Variants in HS6ST2 observed in about 807,000 individuals in gnomAD.
HS6ST2 encodes the protein heparan-sulfate 6-O-sulfotransferase 2.
HS6ST2 carries 17 observed loss-of-function variants against 33.0 expected under a neutral mutation model. The ratio of observed to expected loss-of-function variants is 0.52; its 90% confidence interval spans 0.35 to 0.77. HS6ST2 has a LOEUF of 0.77. Ranked by LOEUF, HS6ST2 falls within the 30% of genes least tolerant of loss-of-function variation. HS6ST2 has a pLI of 0.01. For missense variants in HS6ST2, 519 were observed against 551.7 expected, an observed-to-expected ratio of 0.94 and a Z score of 0.59; for synonymous variants, 248 against 237.1, an observed-to-expected ratio of 1.05 and a Z score of -0.42.
intron 2 of HS6ST2, among the ~76,000 whole-genome samples, chrX:132,891,655 G>A (rs1047605873): frequency 9.0e-6 from 1 of 110,683 alleles, no homozygotes; most frequent in East Asian, 2.9e-4. Flanking sequence ...TTGTCCTTGC[G>A]ATAGTTTACT....
chrX:132,919,912 G>C (rs2066633798), intron 2 of HS6ST2, among the ~76,000 whole-genome samples: 1 of 112,124 alleles, frequency 8.9e-6, no homozygotes, highest in Non-Finnish European at 1.9e-5. Flanking sequence ...CTTCTCTCCA[G>C]AGAGAGCCAG....
chrX:132,908,689 A>G (rs919317405), intron 2 of HS6ST2, among the ~76,000 whole-genome samples: 5 of 111,322 alleles, frequency 4.5e-5, no homozygotes, highest in Admixed American at 9.6e-5. Context: ...CTAGAAACAG[A>G]AAGTAGATTA....
chrX:132,947,272 ATG>A (rs963498914), intron 2 of HS6ST2, among the ~76,000 whole-genome samples: 47 of 109,629 alleles, frequency 4.3e-4, no homozygotes, highest in African/African-American at 1.4e-3. Context: ...GTATATGTAT[ATG>A]TGTGTGTGTA....
chrX:132,918,496 C>A (rs146691421), intron 2 of HS6ST2, among the ~76,000 whole-genome samples: 150 of 112,003 alleles, frequency 1.3e-3, no homozygotes, highest in African/African-American at 4.5e-3. Flanking sequence ...ACACTTGGTG[C>A]TGAGGGCCAG....
rs374417977 is a variant in HS6ST2 at position 132,708,457 on chromosome X, C to T, written c.980+5G>A. 2.6e-6 allele frequency: 3 copies of T among 1,167,968 alleles called. No homozygotes were observed. The highest frequency in any genetic ancestry group is 1.8e-5 in the African/African-American group (1 of 56,316). On this transcript the variant is annotated splice_donor_5th_base_variant and intron_variant, in intron 3 of 4. Transcript: ENST00000370833. ...CAGTCAAACTAAAAATACATTGTTA[C>T]TTACCTTGCTGCATCTAGAATCTGA...
chrX:132,923,533 C>T (rs1269741470), intron 2 of HS6ST2, among the ~76,000 whole-genome samples: 1 of 111,611 alleles, frequency 9.0e-6, no homozygotes, highest in Non-Finnish European at 1.9e-5. Context: ...GTTTTGCTCC[C>T]CCAGTGATGT....
chrX:132,752,329 G>A (rs1183038091), intron 2 of HS6ST2, among the ~76,000 whole-genome samples: 10 of 110,057 alleles, frequency 9.1e-5, no homozygotes, highest in African/African-American at 3.0e-4. Context: ...AAATTTAGCC[G>A]GGTGTGGTGG....
intron 2 of HS6ST2, among the ~76,000 whole-genome samples, chrX:132,793,453 C>T (rs968799970): frequency 5.4e-5 from 6 of 111,182 alleles, no homozygotes; most frequent in African/African-American, 2.0e-4. Context: ...AGAAACAGTA[C>T]TGAAAGAGAG....
chrX:132,791,110 G>A (rs2065116925), intron 2 of HS6ST2, among the ~76,000 whole-genome samples: 1 of 111,002 alleles, frequency 9.0e-6, no homozygotes, highest in South Asian at 3.8e-4. Flanking sequence ...CTGCACCGCT[G>A]CATTCCAGCC....
rs1260604972 is a variant in HS6ST2, at chrX:132,958,598, G to A, written c.5C>T (p.Ala2Val). 1 of 1,168,454 alleles carries A rather than the reference G, an allele frequency of 8.6e-7. No homozygotes were observed. Among genetic ancestry groups the A allele is most frequent in the South Asian group, 2.0e-5 (1 of 51,218 alleles). ...CTCCCGGACTGCACACGCAGGCAGTGCCATTCCCCCCTTCAGGCAACTCAG... is the reference window on the plus strand; with the variant it reads ...CTCCCGGACTGCACACGCAGGCAGTACCATTCCCCCCTTCAGGCAACTCAG... Reference protein sequence around the residue: MALPACAVREFE... With the variant: MVLPACAVREFE... The change falls in exon 1 of 5, where the codon GCA becomes GTA. Residue 2 changes from alanine to valine, a missense_variant. Ala to Val is a moderately conservative substitution (Grantham distance 64). Coordinates refer to ENST00000370833, the MANE Select transcript of HS6ST2 (RefSeq NM_001394073.1).
chrX:132,708,179 A>G (rs909951227), intron 3 of HS6ST2, among the ~76,000 whole-genome samples: 2 of 106,900 alleles, frequency 1.9e-5, no homozygotes, highest in Non-Finnish European at 3.9e-5. Context: ...GAGGAAAAAG[A>G]GCTAATGACC....
intron 2 of HS6ST2, among the ~76,000 whole-genome samples, chrX:132,815,433 C>T (rs781656799): frequency 2.7e-5 from 3 of 111,611 alleles, no homozygotes; most frequent in East Asian, 5.6e-4. Context: ...AAGTAACTTG[C>T]CTGAGGTCAC....
intron 2 of HS6ST2, among the ~76,000 whole-genome samples, chrX:132,765,728 G>C (rs1302197219): frequency 8.9e-6 from 1 of 112,057 alleles, no homozygotes; most frequent in Non-Finnish European, 1.9e-5. Flanking sequence ...TGGGATTAGA[G>C]GCATGAGCCA....
intron 2 of HS6ST2, among the ~76,000 whole-genome samples, chrX:132,933,676 A>G (rs1365887696): frequency 1.8e-5 from 2 of 111,768 alleles, no homozygotes; most frequent in East Asian, 5.6e-4. Flanking sequence ...ATACCATACT[A>G]AAAATGTTAA....
At chrX:132,741,624 G>T (rs2064581609) in intron 2 of HS6ST2, among the ~76,000 whole-genome samples, 1 of 111,171 alleles carries the variant, frequency 9.0e-6, no homozygotes. Flanking sequence ...ATTCGTTTCA[G>T]CTTGGATTCT....
At chrX:132,865,293 C>T (rs1206279289) in intron 2 of HS6ST2, among the ~76,000 whole-genome samples, 32 of 110,722 alleles carry the variant, frequency 2.9e-4, no homozygotes, top group Non-Finnish European at 3.2e-4. Context: ...CATGTCCCTA[C>T]AAAGGACATG....
At chrX:132,800,749 G>C (rs755667910) in intron 2 of HS6ST2, among the ~76,000 whole-genome samples, 11 of 111,573 alleles carry the variant, frequency 9.9e-5, no homozygotes, top group Non-Finnish European at 1.3e-4. Context: ...TTGGTTTTGT[G>C]CCCCCACCCA....
chrX:132,848,792 C>T (rs1243982124), intron 2 of HS6ST2, among the ~76,000 whole-genome samples: 1 of 111,871 alleles, frequency 8.9e-6, no homozygotes, highest in Non-Finnish European at 1.9e-5. Flanking sequence ...AAACAGCACT[C>T]TCCCTAAACT....
intron 2 of HS6ST2, among the ~76,000 whole-genome samples, chrX:132,824,111 G>C (rs765314588): frequency 9.0e-6 from 1 of 110,769 alleles, no homozygotes; most frequent in Non-Finnish European, 1.9e-5. Context: ...CCAATCTATT[G>C]ATGCAATACA....
Sources: gnomAD v4.1 joint callset for allele counts (sites outside exome capture counted in the v4.1 genomes callset) on GRCh38, gnomAD v4.1.1 for gene constraint, MANE v1.5 for transcripts, NCBI Gene and HGNC (gene_info 2026-07-23, HGNC 2026-07-21) for gene names.